The following XCR1 variants were observed in gnomAD, a reference collection of about 807,000 sequenced individuals.
XCR1 encodes chemokine XC receptor 1.
For synonymous variants in XCR1, 187 were observed against 188.5 expected (o/e 0.99, Z 0.06); for missense variants, 356 against 424.2 (o/e 0.84, Z 1.41).
chr3:46,055,736 G>T (rs572069959), intron 4 of XCR1, among the ~76,000 whole-genome samples: 2 of 152,208 alleles, frequency 1.3e-5, no homozygotes, highest in African/African-American at 4.8e-5. Context: ...CCTGGATTCC[G>T]TAATTTCAAG....
rs1309800706 is a variant in XCR1 at position 46,057,407 on chromosome 3, A to G, written c.-182-3337T>C. On this transcript the variant is annotated intron_variant, in intron 4 of 5. Transcript: ENST00000683768. ...AGCAACTGTTGGGGATGATGAAAAA[A>G]TTGGCGTCTTGATTTTGGTGATAAT... 3.9e-5 allele frequency among the ~76,000 whole-genome samples: 6 copies of G among 152,342 alleles called. No individual in the cohort carries two copies. In the East Asian group the frequency reaches 7.7e-4, roughly 20 times the overall value.
chr3:46,085,707 G>A (rs11130085), intron 1 of XCR1, among the ~76,000 whole-genome samples: 51,541 of 151,812 alleles, frequency 0.34, 10,753 homozygotes, highest in East Asian at 0.67. Flanking sequence ...GCATAATGCC[G>A]GCACCCCCAA....
At chr3:46,055,815 C>G (rs963369681) in intron 4 of XCR1, among the ~76,000 whole-genome samples, 1 of 152,182 alleles carries the variant, frequency 6.6e-6, no homozygotes, top group African/African-American at 2.4e-5. Context: ...AGGGAGCCAC[C>G]ACCACTCTGC....
chr3:46,031,948 C>G (rs62242832), upstream of XCR1, among the ~76,000 whole-genome samples: 24,447 of 152,210 alleles, frequency 0.16, 2,111 homozygotes, highest in East Asian at 0.26. Flanking sequence ...AGCATCTCCT[C>G]TCTGGTAGGA....
chr3:46,059,894 T>C (rs1697929635), intron 4 of XCR1, among the ~76,000 whole-genome samples: 1 of 152,250 alleles, frequency 6.6e-6, no homozygotes, highest in African/African-American at 2.4e-5. Context: ...ATGATACAAC[T>C]GAAATTGTGC....
chr3:46,028,544 T>C (rs1708341527), upstream of XCR1, among the ~76,000 whole-genome samples: 1 of 151,788 alleles, frequency 6.6e-6, no homozygotes, highest in Admixed American at 6.6e-5. Flanking sequence ...TTTTTAATTC[T>C]TCATAATACC....
At chr3:46,080,275 G>A (rs888999117) in intron 1 of XCR1, among the ~76,000 whole-genome samples, 1 of 151,956 alleles carries the variant, frequency 6.6e-6, no homozygotes, top group Non-Finnish European at 1.5e-5. Flanking sequence ...AAAAATTCCT[G>A]GTCATGCCAA....
intron 5 of XCR1, among the ~76,000 whole-genome samples, chr3:46,034,344 T>C (rs575812787): frequency 3.9e-5 from 6 of 152,246 alleles, no homozygotes; most frequent in East Asian, 1.9e-4. Flanking sequence ...ATATAAATTA[T>C]AGGAGTTTTT....
chr3:46,025,278 C>T (rs866741276), intron 1 of XCR1, among the ~76,000 whole-genome samples: 4 of 152,142 alleles, frequency 2.6e-5, no homozygotes, highest in African/African-American at 4.8e-5. Flanking sequence ...GTGGCTCATG[C>T]CTATAATTCC....
intron 5 of XCR1, among the ~76,000 whole-genome samples, chr3:46,039,343 A>G (rs78504232): frequency 0.01 from 1,587 of 152,322 alleles, 35 homozygotes; most frequent in African/African-American, 0.036. Flanking sequence ...TAAGTTTGGC[A>G]TAGGACCTAT....
intron 1 of XCR1, among the ~76,000 whole-genome samples, chr3:46,080,795 C>T (rs1698348483): frequency 1.3e-5 from 2 of 152,158 alleles, no homozygotes; most frequent in African/African-American, 4.8e-5. Context: ...TCATTGGAAT[C>T]CAGATGAAAC....
intron 4 of XCR1, among the ~76,000 whole-genome samples, chr3:46,054,555 G>C (rs539858559): frequency 6.6e-6 from 1 of 151,690 alleles, no homozygotes; most frequent in Non-Finnish European, 1.5e-5. Flanking sequence ...ACGAGGGGGG[G>C]GCGAGTGTGA....
chr3:46,020,887 C>T lies in XCR1; in HGVS notation c.*59G>A. The stretch of plus-strand genomic sequence containing the variant: ...AATGCTCCTTCCAGGCCCGCTTCTC[C>T]ATGACCCCCATTCCAGTCCCTGTCC... On this transcript the variant is annotated 3_prime_UTR_variant, in exon 2 of 2. Coordinates refer to ENST00000309285, the MANE Select transcript of XCR1 (RefSeq NM_001024644.2). 1 of 1,562,386 alleles carries T rather than the reference C, an allele frequency of 6.4e-7. No individual in the cohort carries two copies. Among genetic ancestry groups the T allele is most frequent in the South Asian group, 1.2e-5 (1 of 81,834 alleles).
At chr3:46,023,555 A>G in intron 1 of XCR1, 2 of 1,508,274 alleles carry the variant, frequency 1.3e-6, no homozygotes, top group Non-Finnish European at 1.8e-6. Context: ...TTGAAAGCCT[A>G]GCAGAACACA....
At chr3:46,039,188 A>T (rs1163674220) in intron 5 of XCR1, among the ~76,000 whole-genome samples, 1 of 151,350 alleles carries the variant, frequency 6.6e-6, no homozygotes, top group Non-Finnish European at 1.5e-5. Flanking sequence ...TAAATAGCTG[A>T]AAAGAAATTA....
At chr3:46,071,157 T>A (rs1698158085) in intron 3 of XCR1, among the ~76,000 whole-genome samples, 1 of 152,088 alleles carries the variant, frequency 6.6e-6, no homozygotes, top group East Asian at 1.9e-4. Context: ...AGTCATAAAC[T>A]AGAAACCTAG....
chr3:46,044,660 A>G (rs1383271538), intron 5 of XCR1, among the ~76,000 whole-genome samples: 1 of 152,208 alleles, frequency 6.6e-6, no homozygotes, highest in Non-Finnish European at 1.5e-5. Context: ...GCAGAAATGA[A>G]AAGAGGAGTC....
At chr3:46,058,860 C>A (rs540948545) in intron 4 of XCR1, among the ~76,000 whole-genome samples, 1 of 152,144 alleles carries the variant, frequency 6.6e-6, no homozygotes, top group Non-Finnish European at 1.5e-5. Flanking sequence ...CCATGATGAC[C>A]GGCCATAGGG....
At chr3:46,047,042 C>CGTGGATTTCAAAGAACT (rs1365170162) in intron 5 of XCR1, among the ~76,000 whole-genome samples, 1 of 151,962 alleles carries the variant, frequency 6.6e-6, no homozygotes, top group Admixed American at 6.6e-5. Context: ...ACCATAGAAC[C>CGTGGATTTCAAAGAACT]GTGGATTTCA....
Sources: allele counts gnomAD v4.1 joint callset (sites outside exome capture counted in the v4.1 genomes callset), GRCh38; gene constraint gnomAD v4.1.1; transcripts MANE v1.5; gene names NCBI Gene and HGNC (gene_info 2026-07-23, HGNC 2026-07-21).